ZMYND11: variants seen among roughly 807,000 people sequenced by gnomAD.
ZMYND11 encodes zinc finger MYND domain-containing protein 11.
In ZMYND11, 9 loss-of-function variants were observed where a neutral mutation model predicts 84.9. The observed-to-expected ratio is 0.11, with a 90% CI of 0.06 to 0.18. ZMYND11 has a LOEUF of 0.18. Among genes scored for constraint, ZMYND11 ranks in the 10% least tolerant of loss-of-function variants. The pLI, the probability that ZMYND11 is intolerant of heterozygous loss-of-function variation, is 1.00. For synonymous variants in ZMYND11, 250 were observed against 244.1 expected (o/e 1.02, Z -0.23); for missense variants, 409 against 761.0 (o/e 0.54, Z 5.44).
At chr10:234,959 A>G (rs1949681967) in intron 4 of ZMYND11, among the ~76,000 whole-genome samples, 1 of 148,970 alleles carries the variant, frequency 6.7e-6, no homozygotes, top group East Asian at 2.0e-4. Flanking sequence ...AGTGTACAAG[A>G]GGTGCCCGCT....
intron 4 of ZMYND11, among the ~76,000 whole-genome samples, chr10:236,233 C>T (rs764756964): frequency 2.6e-5 from 4 of 152,242 alleles, no homozygotes; most frequent in South Asian, 4.1e-4. Context: ...AAATAACATG[C>T]GTAGAATCCT....
intron 2 of ZMYND11, among the ~76,000 whole-genome samples, chr10:206,891 T>C (rs1024660805): frequency 6.6e-6 from 1 of 152,192 alleles, no homozygotes; most frequent in Non-Finnish European, 1.5e-5. Flanking sequence ...GTGCACAATG[T>C]GCAGGTTTCA....
chr10:223,192 G>C (rs1947443512), intron 4 of ZMYND11, among the ~76,000 whole-genome samples: 1 of 152,010 alleles, frequency 6.6e-6, no homozygotes, highest in Non-Finnish European at 1.5e-5. Flanking sequence ...ACCACACCTG[G>C]CTAATTTTTG....
At chr10:186,310 C>T (rs1224952406) in intron 2 of ZMYND11, among the ~76,000 whole-genome samples, 4 of 151,758 alleles carry the variant, frequency 2.6e-5, no homozygotes, top group African/African-American at 9.7e-5. Flanking sequence ...CGCGCCAGGC[C>T]AGGATTCTTA....
intron 4 of ZMYND11, among the ~76,000 whole-genome samples, chr10:236,336 T>C (rs750684359): frequency 2.0e-5 from 3 of 152,248 alleles, no homozygotes; most frequent in Non-Finnish European, 4.4e-5. Context: ...GAGTTATTAC[T>C]GAGTAGATCC....
chr10:224,189 G>A (rs1947670727), intron 4 of ZMYND11, among the ~76,000 whole-genome samples: 1 of 152,160 alleles, frequency 6.6e-6, no homozygotes, highest in Admixed American at 6.5e-5. Flanking sequence ...GAGAACAGGT[G>A]TTCTGTCTCC....
chr10:238,181 G>C (rs930907122), intron 6 of ZMYND11, among the ~76,000 whole-genome samples: 2 of 152,146 alleles, frequency 1.3e-5, no homozygotes, highest in African/African-American at 4.8e-5. Flanking sequence ...GTTTGTTCAC[G>C]TCCAGTAACA....
At chr10:230,519 C>A (rs1477921184) in intron 4 of ZMYND11, among the ~76,000 whole-genome samples, 2 of 149,532 alleles carry the variant, frequency 1.3e-5, no homozygotes, top group East Asian at 2.0e-4. Context: ...CTCCAGGGTT[C>A]TACCCCAGAC....
intron 5 of ZMYND11, 106 bp from the exon 6 acceptor site, chr10:237,479 C>T: frequency 1.5e-6 from 1 of 677,178 alleles, no homozygotes; most frequent in African/African-American, 1.9e-5. Context: ...CCTGTCTCTA[C>T]AAAAATAAAA....
At chr10:199,313 C>CCCTCCCTCTCTT (rs1942555843) in intron 2 of ZMYND11, among the ~76,000 whole-genome samples, 1 of 1,990 alleles carries the variant, frequency 5.0e-4, no homozygotes. Flanking sequence ...CTCTCTTCCT[C>CCCTCCCTCTCTT]CCTCCCTCCC....
chr10:151,982 A>G (rs1588469023), intron 1 of ZMYND11, among the ~76,000 whole-genome samples: 1 of 152,214 alleles, frequency 6.6e-6, no homozygotes, highest in Non-Finnish European at 1.5e-5. Context: ...ATAAGTGAAG[A>G]AGAAATAAAA....
chr10:145,432 C>G (rs1329882135), intron 1 of ZMYND11, among the ~76,000 whole-genome samples: 1 of 152,018 alleles, frequency 6.6e-6, no homozygotes, highest in Non-Finnish European at 1.5e-5. Flanking sequence ...ATTGCTGGAT[C>G]AAATGGTAGA....
At chr10:251,296 G>A (rs889649857) in intron 14 of ZMYND11, among the ~76,000 whole-genome samples, 3 of 152,120 alleles carry the variant, frequency 2.0e-5, no homozygotes, top group African/African-American at 7.2e-5. Flanking sequence ...ATGACCAGTG[G>A]GTGGCACAGA....
At chr10:173,336 A>G (rs552179152) in intron 1 of ZMYND11, among the ~76,000 whole-genome samples, 1 of 152,358 alleles carries the variant, frequency 6.6e-6, no homozygotes, top group Admixed American at 6.5e-5. Flanking sequence ...TAATGTCAAG[A>G]AATTGTGATG....
At chr10:177,755 G>C (rs908660391) in intron 1 of ZMYND11, among the ~76,000 whole-genome samples, 3 of 151,952 alleles carry the variant, frequency 2.0e-5, no homozygotes, top group African/African-American at 7.3e-5. Flanking sequence ...AAGTTGACTT[G>C]TTACCTATAC....
chr10:176,610 A>G (rs1846684564), intron 1 of ZMYND11, among the ~76,000 whole-genome samples: 1 of 152,184 alleles, frequency 6.6e-6, no homozygotes, highest in Non-Finnish European at 1.5e-5. Context: ...AATTAAAACA[A>G]TTCTTTTGAG....
chr10:190,720 G>T (rs1018608206), intron 2 of ZMYND11, among the ~76,000 whole-genome samples: 1 of 152,166 alleles, frequency 6.6e-6, no homozygotes, highest in African/African-American at 2.4e-5. Context: ...TCCACCTGAT[G>T]AGACTATTCT....
intron 1 of ZMYND11, among the ~76,000 whole-genome samples, chr10:171,996 G>T (rs1845436994): frequency 6.6e-6 from 1 of 152,220 alleles, no homozygotes; most frequent in Non-Finnish European, 1.5e-5. Flanking sequence ...ACCATCAGCA[G>T]ATTCAGTGTC....
chr10:200,266 AT>A (rs1321081920), intron 2 of ZMYND11, among the ~76,000 whole-genome samples: 1 of 136,106 alleles, frequency 7.3e-6, no homozygotes. Context: ...AAAATATATA[AT>A]TATATATAAT....
Sources: gnomAD v4.1 joint callset for allele counts (sites outside exome capture counted in the v4.1 genomes callset) on GRCh38, gnomAD v4.1.1 for gene constraint, MANE v1.5 for transcripts, NCBI Gene and HGNC (gene_info 2026-07-23, HGNC 2026-07-21) for gene names.